Variants in ZZEF1 observed in about 807,000 individuals in gnomAD.
ZZEF1 encodes the protein zinc finger ZZ-type and EF-hand domain containing 1.
A neutral mutation model predicts 342.8 loss-of-function variants in ZZEF1; 157 were observed. The observed-to-expected ratio is 0.46, with a 90% CI of 0.40 to 0.52. The LOEUF (loss-of-function observed/expected upper bound fraction) is 0.52. ZZEF1 is among the 20% of genes least tolerant of loss of function. The probability of loss-of-function intolerance (pLI) is 0.00; values close to 1 mark genes in which losing one functional copy is unlikely to be tolerated. For missense variants in ZZEF1, 3,480 were observed against 3,725.6 expected, an observed-to-expected ratio of 0.93 and a Z score of 1.72; for synonymous variants, 1,505 against 1,429.1, an observed-to-expected ratio of 1.05 and a Z score of -1.20.
intron 24 of ZZEF1, among the ~76,000 whole-genome samples, chr17:4,073,245 C>G (rs1012760981): frequency 6.6e-6 from 1 of 152,130 alleles, no homozygotes; most frequent in African/African-American, 2.4e-5. Context: ...TCAGTTACTT[C>G]TGAGTGTTAG....
intron 9 of ZZEF1, among the ~76,000 whole-genome samples, chr17:4,097,291 T>C (rs1297606232): frequency 6.6e-6 from 1 of 150,830 alleles, no homozygotes; most frequent in Non-Finnish European, 1.5e-5. Flanking sequence ...AGAAAAGAAA[T>C]GTTTATAAAA....
intron 34 of ZZEF1, among the ~76,000 whole-genome samples, chr17:4,053,728 CGTGT>C (rs1162176089): frequency 2.0e-5 from 3 of 152,198 alleles, no homozygotes; most frequent in Non-Finnish European, 2.9e-5. Context: ...TGTATGTGTG[CGTGT>C]GTATTTTGCT....
intron 26 of ZZEF1, among the ~76,000 whole-genome samples, chr17:4,070,389 C>A (rs2057484703): frequency 6.6e-6 from 1 of 152,086 alleles, no homozygotes; most frequent in Admixed American, 6.5e-5. Flanking sequence ...GGGACCAGGA[C>A]CCAAGTTAAG....
rs1185564169 is a variant in ZZEF1, at chr17:4,014,383, C to T, written c.8278G>A (p.Gly2760Arg). 3.1e-6 allele frequency: 5 copies of T among 1,614,096 alleles called. No homozygotes were observed. The highest frequency in any genetic ancestry group is 3.4e-6 in the Non-Finnish European group (4 of 1,180,052). Reference protein sequence around the residue: ...DFQQDRHSFSGSQQKWKDFEL... With the variant: ...DFQQDRHSFSRSQQKWKDFEL... ...AAATCTTTCCACTTCTGCTGAGACC[C>T]GCTGAAGCTGTGTCGGTCTTGCTGG... The change falls in exon 50 of 55, where the codon GGG (glycine) becomes AGG (arginine). Residue 2760 changes from glycine to arginine, a missense_variant. Physicochemically the swap from Gly to Arg is moderately radical, Grantham distance 125 (BLOSUM62 -2). Transcript: ENST00000381638. The surrounding 1 kb of genome is among the most constrained non-coding windows in gnomAD (Gnocchi z 4.4).
intron 3 of ZZEF1, among the ~76,000 whole-genome samples, chr17:4,114,871 T>C (rs1234658685): frequency 6.6e-6 from 1 of 152,256 alleles, no homozygotes; most frequent in Non-Finnish European, 1.5e-5. Context: ...TGACACTTTT[T>C]AAGCTGCTGG....
chr17:4,054,276 G>A, intron 33 of ZZEF1, 81 bp from the exon 34 acceptor site: 1 of 1,453,400 alleles, frequency 6.9e-7, no homozygotes, highest in Middle Eastern at 1.8e-4. Flanking sequence ...CCATTCACTA[G>A]GTACTGAAGA....
intron 16 of ZZEF1, among the ~76,000 whole-genome samples, chr17:4,082,763 T>C (rs1466029520): frequency 6.6e-6 from 1 of 152,150 alleles, no homozygotes; most frequent in East Asian, 1.9e-4. Context: ...CTTAGGGAAA[T>C]GACCTCATAA....
Position 4,076,630 on chromosome 17 carries a change from G to C in ZZEF1, c.3234+7C>G, listed in dbSNP as rs764172906. 1 of 1,604,850 alleles carries C rather than the reference G, an allele frequency of 6.2e-7. No homozygotes were observed. The highest frequency in any genetic ancestry group is 1.1e-5 in the South Asian group (1 of 90,824). On this transcript the variant is annotated splice_region_variant and intron_variant, in intron 21 of 54. Coordinates refer to ENST00000381638, the MANE Select transcript of ZZEF1 (RefSeq NM_015113.4). ...CACGGGGCGGCTCAAGTGCTGACTC[G>C]AGTTACCTTCCTCAGTCCTCCTTCG...
At chr17:4,025,654 C>T (rs968201309) in intron 42 of ZZEF1, among the ~76,000 whole-genome samples, 2 of 150,410 alleles carry the variant, frequency 1.3e-5, no homozygotes, top group African/African-American at 4.9e-5. Context: ...TGCATTCCAG[C>T]CTGGGTGACA....
chr17:4,087,459 T>C lies in ZZEF1; in HGVS notation c.2317A>G (p.Asn773Asp). Residue 773 changes from asparagine (N) to aspartate (D), a missense_variant, in exon 14 of 55, where the codon AAT becomes GAT. Transcript: ENST00000381638. ...FAGLDLQIFW[N>D]FYSKLKQNPR... Reference sequence around the variant, plus strand: ...TTTTGCTTTAATTTACTGTAAAAATTCCAGAAGATCTGCAAATCAAGACCC... The same window carrying C: ...TTTTGCTTTAATTTACTGTAAAAATCCCAGAAGATCTGCAAATCAAGACCC... The C allele has an allele frequency of 6.2e-7, 1 of 1,611,600 alleles. No individual in the cohort carries two copies. Among genetic ancestry groups the C allele is most frequent in the Non-Finnish European group, 8.5e-7 (1 of 1,179,404 alleles).
intron 43 of ZZEF1, among the ~76,000 whole-genome samples, chr17:4,023,117 G>A (rs2056312774): frequency 6.6e-6 from 1 of 152,200 alleles, no homozygotes; most frequent in Non-Finnish European, 1.5e-5. Flanking sequence ...AAGCCTGGGA[G>A]GTGTTCTTTC....
chr17:4,022,286 G>A (rs1414251574), intron 44 of ZZEF1: 1 of 158,122 alleles, frequency 6.3e-6, no homozygotes, highest in African/African-American at 2.4e-5. Context: ...GTTCCGCTAA[G>A]AAAACTCTAA....
chr17:4,074,630 A>G (rs2057573737), intron 23 of ZZEF1, among the ~76,000 whole-genome samples: 1 of 152,176 alleles, frequency 6.6e-6, no homozygotes, highest in African/African-American at 2.4e-5. Flanking sequence ...TCACATTTCC[A>G]TGCCTCTGCT....
chr17:4,010,777 T>C (rs1438496414), intron 52 of ZZEF1, among the ~76,000 whole-genome samples: 1 of 138,634 alleles, frequency 7.2e-6, no homozygotes, highest in East Asian at 2.1e-4. Context: ...AAACTACATA[T>C]ACAAAATAAA....
At chr17:4,090,471 C>T (rs188215246) in intron 12 of ZZEF1, among the ~76,000 whole-genome samples, 2 of 152,336 alleles carry the variant, frequency 1.3e-5, no homozygotes. Flanking sequence ...TTTGACATCA[C>T]ACCACCCTTC....
chr17:4,039,641 C>CTTT lies in ZZEF1; in HGVS notation c.6306+2785_6306+2787dup, dbSNP rs1166970366. Among the ~76,000 whole-genome samples the CTTT allele has an allele frequency of 2.7e-3, 326 of 119,550 alleles. 12 individuals are homozygous for CTTT. Among genetic ancestry groups the CTTT allele is most frequent in the African/African-American group, 5.7e-3 (169 of 29,560 alleles). The allele number at this position is 119,550 out of a possible 152,430, so 78.4% of individuals were successfully genotyped here. A position where few individuals can be genotyped will look rare whatever the true frequency, so the allele number is the denominator to read the frequency against. ...GCTGGGAAGGCACATAGAAAGAGAA[C>CTTT]TTTTTTTTTTTTTTTTTTTTGAGAC... On this transcript the variant is annotated intron_variant, in intron 39 of 54. Transcript: ENST00000381638.
chr17:4,123,807 G>T, intron 2 of ZZEF1, 100 bp downstream of exon 2: 1 of 1,354,242 alleles, frequency 7.4e-7, no homozygotes, highest in Non-Finnish European at 1.0e-6. Context: ...AACACTGTTG[G>T]GGGAGTTTAC....
intron 1 of ZZEF1, among the ~76,000 whole-genome samples, chr17:4,128,829 T>C (rs2058618743): frequency 7.3e-6 from 1 of 136,628 alleles, no homozygotes; most frequent in Non-Finnish European, 1.5e-5. Flanking sequence ...TGGAGTGCAG[T>C]GGTGGGATCT....
intron 8 of ZZEF1, among the ~76,000 whole-genome samples, 175 bp from the exon 9 acceptor site, chr17:4,102,590 G>A (rs2058145226): frequency 6.6e-6 from 1 of 152,154 alleles, no homozygotes; most frequent in Non-Finnish European, 1.5e-5. Context: ...CCATCCCTTT[G>A]TACTTTCCTG....
Sources: allele counts gnomAD v4.1 joint callset (sites outside exome capture counted in the v4.1 genomes callset), GRCh38; gene constraint gnomAD v4.1.1; non-coding constraint Gnocchi (gnomAD v3.1); transcripts MANE v1.5; gene names NCBI Gene and HGNC (gene_info 2026-07-23, HGNC 2026-07-21).